TRABD2B: variants seen among roughly 807,000 people sequenced by gnomAD.
TRABD2B encodes the protein metalloprotease TIKI2.
Under a neutral mutation model 40.1 loss-of-function variants are expected in TRABD2B, and 14 were observed. That is an observed-to-expected ratio of 0.35 (90% CI 0.23 to 0.55). The LOEUF is 0.55. Ranked by LOEUF, TRABD2B falls within the 20% of genes least tolerant of loss-of-function variation. The pLI is 0.90. For missense variants in TRABD2B, 541 were observed against 648.6 expected (o/e 0.83, Z 1.80); for synonymous variants, 263 against 277.0 (o/e 0.95, Z 0.50).
chr1:47,941,872 C>T (rs2148363499), intron 2 of TRABD2B, among the ~76,000 whole-genome samples: 1 of 152,340 alleles, frequency 6.6e-6, no homozygotes, highest in East Asian at 1.9e-4. Flanking sequence ...AGAACTTAGC[C>T]ACCAGGTTTT....
chr1:47,847,591 C>T (rs1220270516), intron 2 of TRABD2B, among the ~76,000 whole-genome samples: 1 of 152,162 alleles, frequency 6.6e-6, no homozygotes, highest in Non-Finnish European at 1.5e-5. Flanking sequence ...GCAGCAGATG[C>T]GGAACTGAGC....
chr1:47,995,927 G>T (rs965485792), intron 1 of TRABD2B, among the ~76,000 whole-genome samples: 1 of 152,148 alleles, frequency 6.6e-6, no homozygotes, highest in Non-Finnish European at 1.5e-5. Flanking sequence ...CAGACCCTAT[G>T]GTCTCCTGGC....
chr1:47,944,075 C>T (rs990935092), intron 2 of TRABD2B, among the ~76,000 whole-genome samples: 2 of 152,192 alleles, frequency 1.3e-5, no homozygotes, highest in Admixed American at 6.5e-5. Flanking sequence ...CTTCCCAGAC[C>T]TGAGGCTTGG....
At chr1:47,880,436 G>A (rs910999062) in intron 2 of TRABD2B, among the ~76,000 whole-genome samples, 1 of 152,194 alleles carries the variant, frequency 6.6e-6, no homozygotes, top group Non-Finnish European at 1.5e-5. Context: ...TTTGAATCAG[G>A]AAACAATAAT....
intron 2 of TRABD2B, among the ~76,000 whole-genome samples, chr1:47,877,073 T>A (rs1644235829): frequency 6.6e-6 from 1 of 151,588 alleles, no homozygotes; most frequent in Admixed American, 6.6e-5. Flanking sequence ...CAAATTGGGG[T>A]TAGGGAATAA....
At chr1:47,829,929 G>A (rs1645226630) in intron 2 of TRABD2B, among the ~76,000 whole-genome samples, 1 of 152,090 alleles carries the variant, frequency 6.6e-6, no homozygotes, top group South Asian at 2.1e-4. Context: ...TGGCTATACT[G>A]GGCTTCTTTG....
intron 2 of TRABD2B, among the ~76,000 whole-genome samples, chr1:47,972,031 C>T (rs537594411): frequency 3.1e-4 from 47 of 152,190 alleles, no homozygotes; most frequent in Non-Finnish European, 5.6e-4. Flanking sequence ...CCTCTAATCA[C>T]ACAAAGACAG....
At chr1:47,795,725 G>T (rs970383738) in intron 3 of TRABD2B, 1 of 985,200 alleles carries the variant, frequency 1.0e-6, no homozygotes, top group Non-Finnish European at 1.2e-6. Context: ...TTTTCCCAAT[G>T]CCTGAGCCAC....
At chr1:47,972,563 C>T (rs187461497) in intron 2 of TRABD2B, among the ~76,000 whole-genome samples, 120 of 151,498 alleles carry the variant, frequency 7.9e-4, no homozygotes, top group Non-Finnish European at 1.5e-3. Flanking sequence ...AACTGGAAAA[C>T]GGCAGTCTTG....
chr1:47,968,216 T>C (rs1164292569), intron 2 of TRABD2B, among the ~76,000 whole-genome samples: 3 of 152,236 alleles, frequency 2.0e-5, no homozygotes, highest in Admixed American at 2.0e-4. Flanking sequence ...ATCCCTGCCT[T>C]GTGATAACTA....
At chr1:47,909,074 G>GT (rs1439125366) in intron 2 of TRABD2B, among the ~76,000 whole-genome samples, 1 of 152,206 alleles carries the variant, frequency 6.6e-6, no homozygotes, top group Non-Finnish European at 1.5e-5. Context: ...CTGTGCGGTT[G>GT]GTCACCAACT....
chr1:47,900,696 T>C (rs376787345), intron 2 of TRABD2B, among the ~76,000 whole-genome samples: 28 of 152,284 alleles, frequency 1.8e-4, no homozygotes, highest in East Asian at 7.7e-4. Context: ...AGTTTCCTTT[T>C]CTTGGTGTCA....
chr1:47,848,347 T>C (rs1047371383), intron 2 of TRABD2B, among the ~76,000 whole-genome samples: 1 of 152,204 alleles, frequency 6.6e-6, no homozygotes, highest in Admixed American at 6.5e-5. Flanking sequence ...GGGTCAGCTA[T>C]GACCAGGATC....
chr1:47,794,472 T>C, intron 4 of TRABD2B, 114 bp downstream of exon 4: 2 of 1,245,012 alleles, frequency 1.6e-6, no homozygotes, highest in Non-Finnish European at 2.1e-6. Flanking sequence ...CTGTGTGGCT[T>C]TTCCTGCCCC....
At chr1:47,965,658 C>T (rs748644298) in intron 2 of TRABD2B, among the ~76,000 whole-genome samples, 5 of 152,194 alleles carry the variant, frequency 3.3e-5, no homozygotes, top group Admixed American at 6.5e-5. Context: ...TGACATCACA[C>T]CTCTCTTCCC....
At position 47,762,873 on chromosome 1, in the gene TRABD2B, C is replaced by T. The variant is rs1223376775; in HGVS notation, c.*3029G>A. ...ATGCCCCAGAGAGCCCTTCATCACA[C>T]AGTCAGCTTTCGTGAGAGGTAGAGG... On this transcript the variant is annotated 3_prime_UTR_variant, in exon 7 of 7. Transcript: ENST00000606738. 2 of 152,338 alleles carry T rather than the reference C, an allele frequency of 1.3e-5. No homozygotes were observed. Among genetic ancestry groups the T allele is most frequent in the East Asian group, 3.9e-4 (2 of 5,168 alleles). The allele number at this position is 152,338 out of a possible 1,614,324, so 9.4% of individuals were successfully genotyped here. A position where few individuals can be genotyped will look rare whatever the true frequency, so the allele number is the denominator to read the frequency against.
At chr1:47,834,030 C>T (rs375150443) in intron 2 of TRABD2B, among the ~76,000 whole-genome samples, 40 of 152,328 alleles carry the variant, frequency 2.6e-4, no homozygotes, top group East Asian at 1.2e-3. Context: ...CCTGCAATCC[C>T]AGTGAAAACC....
intron 2 of TRABD2B, among the ~76,000 whole-genome samples, chr1:47,932,507 T>C (rs186581435): frequency 4.8e-4 from 73 of 151,424 alleles, no homozygotes; most frequent in Non-Finnish European, 1.9e-4. Context: ...GTCAAGGGAG[T>C]TGTTTCTAGA....
At chr1:47,984,249 CAGGAACGCCTCGCCCCG>C (rs1354069103) in intron 2 of TRABD2B, among the ~76,000 whole-genome samples, 1 of 152,384 alleles carries the variant, frequency 6.6e-6, no homozygotes, top group African/African-American at 2.4e-5. Flanking sequence ...TCCTCCACCG[CAGGAACGCCTCGCCCCG>C]AGGTGCCTGT....
Sources: gnomAD v4.1 joint callset for allele counts (sites outside exome capture counted in the v4.1 genomes callset) on GRCh38, gnomAD v4.1.1 for gene constraint, MANE v1.5 for transcripts, NCBI Gene and HGNC (gene_info 2026-07-23, HGNC 2026-07-21) for gene names.